The following PHACTR3 variants were observed in gnomAD, a reference collection of about 807,000 sequenced individuals.
PHACTR3 encodes phosphatase and actin regulator 3, also known as protein phosphatase 1, regulatory subunit 123.
Under a neutral mutation model 66.8 loss-of-function variants are expected in PHACTR3, and 16 were observed. The observed-to-expected ratio is 0.24, with a 90% CI of 0.16 to 0.36. PHACTR3 has a LOEUF of 0.36. PHACTR3 is among the 10% of genes least tolerant of loss of function. PHACTR3 has a pLI of 1.00. For missense variants in PHACTR3, 647 were observed against 719.9 expected (o/e 0.90, Z 1.16); for synonymous variants, 323 against 292.1 (o/e 1.11, Z -1.08).
chr20:59,707,235 G>C (rs1307459607), intron 1 of PHACTR3, among the ~76,000 whole-genome samples: 1 of 152,152 alleles, frequency 6.6e-6, no homozygotes, highest in Non-Finnish European at 1.5e-5. Context: ...GGGAGGAAAT[G>C]ACTGTGTAGA....
At chr20:59,595,413 G>A (rs768530493) in intron 1 of PHACTR3, among the ~76,000 whole-genome samples, 9 of 152,172 alleles carry the variant, frequency 5.9e-5, no homozygotes, top group Non-Finnish European at 1.3e-4. Flanking sequence ...AGTGAGCCGA[G>A]ATTGCGCCAC....
chr20:59,841,558 G>T (rs566058133), intron 11 of PHACTR3, 23 bp downstream of exon 11: 4 of 1,602,778 alleles, frequency 2.5e-6, no homozygotes, highest in South Asian at 2.3e-5. Context: ...CTGTGCTGGT[G>T]GGGGGTGTTG....
intron 1 of PHACTR3, among the ~76,000 whole-genome samples, chr20:59,640,054 G>A (rs1161858942): frequency 6.6e-6 from 1 of 152,216 alleles, no homozygotes; most frequent in Non-Finnish European, 1.5e-5. Context: ...GAGGCTGTGA[G>A]GTGTGCAACA....
chr20:59,767,471 C>G, intron 5 of PHACTR3, 76 bp downstream of exon 5: 1 of 1,433,206 alleles, frequency 7.0e-7, no homozygotes, highest in Non-Finnish European at 9.6e-7. Context: ...ATTCATCCAC[C>G]CATCCATCAT....
In PHACTR3 at chr20:59,774,321, G is replaced by A; in HGVS notation, c.1005G>A (p.Arg335=). The change falls in exon 7 of 13, where the codon CGG becomes CGA. Residue 335 remains arginine, a synonymous_variant. Coordinates refer to ENST00000371015, the MANE Select transcript of PHACTR3 (RefSeq NM_080672.5). The part of the protein sequence containing the change: ...VRLSRTSSVE[R]GKEREEAWSF... Reference sequence around the variant, plus strand: ...TGTCGAGAACGTCCAGCGTGGAGCGGGGCAAGGAGAGGGAGGAGGCTTGGA... The same window carrying A: ...TGTCGAGAACGTCCAGCGTGGAGCGAGGCAAGGAGAGGGAGGAGGCTTGGA... 1.2e-6 allele frequency: 2 copies of A among 1,614,208 alleles called. No individual in the cohort carries two copies. Among genetic ancestry groups the A allele is most frequent in the Non-Finnish European group, 1.7e-6 (2 of 1,180,052 alleles).
intron 1 of PHACTR3, among the ~76,000 whole-genome samples, chr20:59,734,118 C>T (rs2038862223): frequency 6.6e-6 from 1 of 152,152 alleles, no homozygotes; most frequent in Non-Finnish European, 1.5e-5. Context: ...CACACGCCTT[C>T]CTAAGCTCAC....
intron 1 of PHACTR3, among the ~76,000 whole-genome samples, chr20:59,589,751 G>A (rs1409950556): frequency 6.6e-6 from 1 of 152,174 alleles, no homozygotes; most frequent in Non-Finnish European, 1.5e-5. Context: ...GGGTGACAAG[G>A]GGCATTATTT....
intron 5 of PHACTR3, among the ~76,000 whole-genome samples, chr20:59,767,763 A>AGCTTG (rs1157773205): frequency 6.6e-6 from 1 of 152,086 alleles, no homozygotes; most frequent in Non-Finnish European, 1.5e-5. Flanking sequence ...GCTTGGCTTT[A>AGCTTG]GCTTGGCTTG....
In PHACTR3 at chr20:59,605,025, C is replaced by G. The variant is rs979998508; in HGVS notation, c.11C>G (p.Ser4Trp). Reference sequence around the variant, plus strand: ...GCGCCGGCCGGGCCCATGGCCGCGTCGGAGGACGGGAGCGGCTGCCTCGTG... The same window carrying G: ...GCGCCGGCCGGGCCCATGGCCGCGTGGGAGGACGGGAGCGGCTGCCTCGTG... MAA[S>W]EDGSGCLVSR... The change falls in exon 1 of 13, where the codon TCG becomes TGG. Residue 4 changes from serine to tryptophan, a missense_variant. Around this residue, in one of 2 missense-constraint regions of PHACTR3, gnomAD observed 577 missense variants for 571.1 expected, o/e 1.01. Coordinates refer to ENST00000371015, the MANE Select transcript of PHACTR3 (RefSeq NM_080672.5). 9.6e-5 allele frequency: 128 copies of G among 1,338,326 alleles called. No individual in the cohort carries two copies. Among genetic ancestry groups the G allele is most frequent in the Non-Finnish European group, 1.2e-4 (125 of 1,037,294 alleles). The allele number at this position is 1,338,326 out of a possible 1,614,324, so 82.9% of individuals were successfully genotyped here. A position where few individuals can be genotyped will look rare whatever the true frequency, so the allele number is the denominator to read the frequency against.
chr20:59,707,704 G>A (rs974229397), intron 1 of PHACTR3, among the ~76,000 whole-genome samples: 2 of 151,918 alleles, frequency 1.3e-5, no homozygotes, highest in African/African-American at 4.8e-5. Flanking sequence ...AGCAAAAAAC[G>A]ATCCTCCCAC....
intron 1 of PHACTR3, among the ~76,000 whole-genome samples, chr20:59,620,562 C>G: frequency 6.6e-6 from 1 of 152,176 alleles, no homozygotes; most frequent in East Asian, 1.9e-4. Flanking sequence ...ATGTTTCCTT[C>G]TTTTTAAATC....
chr20:59,755,560 T>C (rs1018534251), intron 4 of PHACTR3, among the ~76,000 whole-genome samples, 196 bp downstream of exon 4: 2 of 152,156 alleles, frequency 1.3e-5, no homozygotes, highest in Non-Finnish European at 2.9e-5. Context: ...TTCTCTACTG[T>C]CTCTTTCCAA....
intron 1 of PHACTR3, among the ~76,000 whole-genome samples, chr20:59,636,555 A>C (rs1462802113): frequency 6.6e-6 from 1 of 152,074 alleles, no homozygotes; most frequent in Non-Finnish European, 1.5e-5. Context: ...GGCCAGGAAG[A>C]CCTGGTCTGG....
chr20:59,687,857 G>C (rs572319072), intron 1 of PHACTR3, among the ~76,000 whole-genome samples: 3 of 152,028 alleles, frequency 2.0e-5, no homozygotes, highest in African/African-American at 7.2e-5. Flanking sequence ...ACATCACATG[G>C]GGCTTTGAAT....
chr20:59,723,060 C>CTCTTTCTTTCTTTTCTT (rs1555823460), intron 1 of PHACTR3, among the ~76,000 whole-genome samples: 2 of 118,768 alleles, frequency 1.7e-5, no homozygotes, highest in African/African-American at 6.5e-5. Context: ...TTCTTTCTTT[C>CTCTTTCTTTCTTTTCTT]TCTTTCTTTC....
At chr20:59,833,559 G>A (rs2042446439) in intron 8 of PHACTR3, among the ~76,000 whole-genome samples, 1 of 152,144 alleles carries the variant, frequency 6.6e-6, no homozygotes, top group African/African-American at 2.4e-5. Context: ...AGGGCGGGGG[G>A]AAGCCTTGTT....
At chr20:59,803,336 T>G (rs1403880792) in intron 7 of PHACTR3, among the ~76,000 whole-genome samples, 1 of 152,232 alleles carries the variant, frequency 6.6e-6, no homozygotes, top group Non-Finnish European at 1.5e-5. Context: ...AATCTTTTTT[T>G]GCCAGTTTTC....
intron 3 of PHACTR3, among the ~76,000 whole-genome samples, chr20:59,750,261 C>T (rs1353985662): frequency 6.6e-6 from 1 of 151,716 alleles, no homozygotes; most frequent in Non-Finnish European, 1.5e-5. Flanking sequence ...CAAAGGTGGG[C>T]AGGAGGACCT....
intron 1 of PHACTR3, among the ~76,000 whole-genome samples, chr20:59,646,656 T>C (rs917899336): frequency 1.3e-5 from 2 of 152,156 alleles, no homozygotes; most frequent in Admixed American, 1.3e-4. Flanking sequence ...GTTCAGGCCC[T>C]GCAACTACCA....
Sources: allele counts gnomAD v4.1 joint callset (sites outside exome capture counted in the v4.1 genomes callset), GRCh38; gene constraint gnomAD v4.1.1; regional missense constraint gnomAD v4.1.1; transcripts MANE v1.5; gene names NCBI Gene and HGNC (gene_info 2026-07-23, HGNC 2026-07-21).